Variants in TENM3 observed in about 807,000 individuals in gnomAD.
The protein encoded by TENM3 is teneurin transmembrane protein 3, also known as teneurin-3.
TENM3 carries 63 observed loss-of-function variants against 255.1 expected under a neutral mutation model. The observed-to-expected ratio is 0.25, with a 90% CI of 0.20 to 0.30. TENM3 has a LOEUF of 0.30. Among genes scored for constraint, TENM3 ranks in the 10% least tolerant of loss-of-function variants. The probability of loss-of-function intolerance (pLI) is 1.00; values close to 1 mark genes in which losing one functional copy is unlikely to be tolerated. For missense variants in TENM3, 2,929 were observed against 3,461.1 expected (o/e 0.85, Z 3.86); for synonymous variants, 1,306 against 1,322.3 (o/e 0.99, Z 0.27).
chr4:182,498,699 C>T (rs1353658883), intron 3 of TENM3, among the ~76,000 whole-genome samples: 3 of 152,048 alleles, frequency 2.0e-5, no homozygotes, highest in Non-Finnish European at 2.9e-5. Context: ...ACTAAAAATA[C>T]AGAAAATTAG....
chr4:181,555,487 CA>C, the TENM3 span, among the ~76,000 whole-genome samples: 1 of 152,154 alleles, frequency 6.6e-6, no homozygotes, highest in Admixed American at 6.5e-5. Context: ...TTAAATAACT[CA>C]ACAAGCAACC....
intron 3 of TENM3, among the ~76,000 whole-genome samples, chr4:182,417,946 T>A (rs897590818): frequency 2.0e-5 from 3 of 152,216 alleles, no homozygotes; most frequent in East Asian, 1.9e-4. Flanking sequence ...AAGTTGAATT[T>A]ATGTCTGAAG....
the TENM3 span, among the ~76,000 whole-genome samples, chr4:181,492,564 T>C: frequency 0.13 from 19,146 of 152,254 alleles, 1,341 homozygotes; most frequent in East Asian, 0.16. Flanking sequence ...TTTAAAATAT[T>C]AGTAAACATC....
At chr4:181,841,185 C>T in the TENM3 span, among the ~76,000 whole-genome samples, 1 of 151,986 alleles carries the variant, frequency 6.6e-6, no homozygotes, top group African/African-American at 2.4e-5. Context: ...GTAAAATTAC[C>T]TTCTATGATT....
At chr4:181,814,299 T>C in the TENM3 span, among the ~76,000 whole-genome samples, 2 of 152,120 alleles carry the variant, frequency 1.3e-5, no homozygotes, top group South Asian at 4.1e-4. Context: ...CAATATATTA[T>C]ATTATTATAC....
chr4:182,126,896 T>C, the TENM3 span, among the ~76,000 whole-genome samples: 2 of 152,194 alleles, frequency 1.3e-5, no homozygotes, highest in Non-Finnish European at 2.9e-5. Flanking sequence ...ACAGAGACTT[T>C]CCTGAGGGAC....
At chr4:181,570,086 C>A in the TENM3 span, among the ~76,000 whole-genome samples, 1 of 136,478 alleles carries the variant, frequency 7.3e-6, no homozygotes, top group Non-Finnish European at 1.5e-5. Flanking sequence ...TCGCCCAGGT[C>A]GGACTGCGGA....
intron 6 of TENM3, among the ~76,000 whole-genome samples, chr4:182,669,920 T>C (rs1755059367): frequency 6.6e-6 from 1 of 152,280 alleles, no homozygotes; most frequent in East Asian, 1.9e-4. Context: ...ACCTGTCATA[T>C]TGTAGGTTCT....
the TENM3 span, among the ~76,000 whole-genome samples, chr4:181,894,260 G>T: frequency 4.6e-5 from 7 of 152,124 alleles, no homozygotes; most frequent in African/African-American, 1.7e-4. Context: ...TAGCAGTAAT[G>T]ATGTCATGAG....
chr4:181,828,589 T>C, the TENM3 span, among the ~76,000 whole-genome samples: 1 of 152,162 alleles, frequency 6.6e-6, no homozygotes, highest in Non-Finnish European at 1.5e-5. Flanking sequence ...TCTTCTTTTT[T>C]TTCTTTTTTT....
intron 3 of TENM3, among the ~76,000 whole-genome samples, chr4:182,600,345 C>T (rs946490561): frequency 4.6e-5 from 7 of 152,170 alleles, no homozygotes; most frequent in African/African-American, 1.4e-4. Context: ...TGACCTTCTG[C>T]TAAAGAATAC....
the TENM3 span, among the ~76,000 whole-genome samples, chr4:181,885,887 AG>A: frequency 1.3e-5 from 2 of 152,328 alleles, no homozygotes; most frequent in South Asian, 2.1e-4. Flanking sequence ...TAATATTAAA[AG>A]CTAGTTAATC....
At chr4:182,063,172 T>C in the TENM3 span, among the ~76,000 whole-genome samples, 1 of 152,242 alleles carries the variant, frequency 6.6e-6, no homozygotes, top group African/African-American at 2.4e-5. Flanking sequence ...TGTAATCTGA[T>C]AGGTGTTCCT....
At chr4:181,722,084 G>T in the TENM3 span, among the ~76,000 whole-genome samples, 1 of 152,170 alleles carries the variant, frequency 6.6e-6, no homozygotes, top group African/African-American at 2.4e-5. Flanking sequence ...TTTCTAAACT[G>T]AGATGAAAAA....
chr4:182,376,772 T>C (rs1408140598), intron 3 of TENM3, among the ~76,000 whole-genome samples: 1 of 149,492 alleles, frequency 6.7e-6, no homozygotes, highest in Non-Finnish European at 1.5e-5. Flanking sequence ...GTCAAATTAC[T>C]TTTTTTTTCC....
the TENM3 span, among the ~76,000 whole-genome samples, chr4:181,696,067 G>C: frequency 1.3e-5 from 2 of 152,166 alleles, no homozygotes; most frequent in South Asian, 4.2e-4. Context: ...CCGGACACGC[G>C]TTTGTATTTT....
chr4:181,888,591 CGTGTGTGT>C, the TENM3 span, among the ~76,000 whole-genome samples: 5 of 90,176 alleles, frequency 5.5e-5, no homozygotes, highest in South Asian at 3.7e-4. Flanking sequence ...TATATATATG[CGTGTGTGT>C]GTGTGTGTGT....
chr4:182,533,746 T>C (rs1390485251), intron 3 of TENM3, among the ~76,000 whole-genome samples: 1 of 151,970 alleles, frequency 6.6e-6, no homozygotes, highest in Non-Finnish European at 1.5e-5. Context: ...AAACCCCGTC[T>C]CTACAGAAAA....
At chr4:181,673,076 G>A in the TENM3 span, among the ~76,000 whole-genome samples, 3 of 152,158 alleles carry the variant, frequency 2.0e-5, no homozygotes, top group East Asian at 5.8e-4. Flanking sequence ...GCTAGAACTA[G>A]GACCCTAGGC....
Sources: allele counts gnomAD v4.1 joint callset (sites outside exome capture counted in the v4.1 genomes callset), GRCh38; gene constraint gnomAD v4.1.1; transcripts MANE v1.5; gene names NCBI Gene and HGNC (gene_info 2026-07-23, HGNC 2026-07-21).